Variants in KCNMB2 observed in about 807,000 individuals in gnomAD.
KCNMB2 encodes calcium-activated potassium channel subunit beta-2.
KCNMB2 carries 9 observed loss-of-function variants against 24.5 expected under a neutral mutation model. The observed-to-expected ratio is 0.37, with a 90% CI of 0.22 to 0.64. KCNMB2 has a LOEUF of 0.64. Among genes scored for constraint, KCNMB2 ranks in the 30% least tolerant of loss-of-function variants. The pLI, the probability that KCNMB2 is intolerant of heterozygous loss-of-function variation, is 0.63. For synonymous variants in KCNMB2, 109 were observed against 104.4 expected (o/e 1.04, Z -0.27); for missense variants, 226 against 284.3 (o/e 0.79, Z 1.47).
chr3:178,547,371 T>C (rs1201349321), intron 1 of KCNMB2, among the ~76,000 whole-genome samples: 1 of 152,232 alleles, frequency 6.6e-6, no homozygotes, highest in African/African-American at 2.4e-5. Context: ...TCATGGACTA[T>C]ATTTGAGATG....
At chr3:178,630,328 A>T (rs1215733609) in intron 1 of KCNMB2, among the ~76,000 whole-genome samples, 1 of 152,236 alleles carries the variant, frequency 6.6e-6, no homozygotes, top group African/African-American at 2.4e-5. Flanking sequence ...GTGTGTGAAC[A>T]CAAAATCATC....
At chr3:178,753,898 CCTAT>C (rs925073851) in intron 1 of KCNMB2, among the ~76,000 whole-genome samples, 3 of 151,876 alleles carry the variant, frequency 2.0e-5, no homozygotes, top group Non-Finnish European at 4.4e-5. Flanking sequence ...ACTTATTCCT[CCTAT>C]CTAACTGAAA....
chr3:178,605,507 G>A (rs966296899), intron 1 of KCNMB2, among the ~76,000 whole-genome samples: 23 of 152,164 alleles, frequency 1.5e-4, no homozygotes, highest in Non-Finnish European at 7.3e-5. Flanking sequence ...GTATGTACAT[G>A]CTAGGAAAAG....
rs751903944 is a variant in KCNMB2, at chr3:178,716,829, G to A, written c.-67-90514G>A. 1.3e-4 allele frequency among the ~76,000 whole-genome samples: 20 copies of A among 152,150 alleles called. 1 individual carries two copies. The highest frequency in any genetic ancestry group is 4.1e-4 in the African/African-American group (17 of 41,514). On this transcript the variant is annotated intron_variant, in intron 1 of 4. Transcript: ENST00000452583. Reference sequence around the variant, plus strand: ...GTAACTGCAGGAAGTTGGGAGGAACGGGTCCCTGGACCAAATTATATTTCA... The same window carrying A: ...GTAACTGCAGGAAGTTGGGAGGAACAGGTCCCTGGACCAAATTATATTTCA...
At chr3:178,610,494 A>G (rs1718443533) in intron 1 of KCNMB2, among the ~76,000 whole-genome samples, 1 of 152,148 alleles carries the variant, frequency 6.6e-6, no homozygotes, top group African/African-American at 2.4e-5. Context: ...ATTCCTAGAT[A>G]TATAATTTTA....
chr3:178,798,276 A>G (rs1226580489), intron 1 of KCNMB2, among the ~76,000 whole-genome samples: 1 of 152,178 alleles, frequency 6.6e-6, no homozygotes, highest in African/African-American at 2.4e-5. Flanking sequence ...TGGGTTTGTC[A>G]TAAGTGGCTT....
chr3:178,661,662 C>T (rs1030622156), intron 1 of KCNMB2, among the ~76,000 whole-genome samples: 1 of 152,150 alleles, frequency 6.6e-6, no homozygotes, highest in Admixed American at 6.5e-5. Flanking sequence ...ATGCTTGCTA[C>T]TCAAAGTGTG....
At chr3:178,706,877 G>T (rs1029590525) in intron 1 of KCNMB2, among the ~76,000 whole-genome samples, 11 of 152,092 alleles carry the variant, frequency 7.2e-5, no homozygotes, top group Non-Finnish European at 1.6e-4. Flanking sequence ...GCCATCAGAG[G>T]ACTCACAGAA....
intron 1 of KCNMB2, among the ~76,000 whole-genome samples, chr3:178,568,831 T>TAATA (rs1491104471): frequency 8.6e-6 from 1 of 116,172 alleles, no homozygotes; most frequent in Non-Finnish European, 1.8e-5. Context: ...GATAGATAGA[T>TAATA]GATAGATAGA....
chr3:178,742,989 T>C (rs1723544995), intron 1 of KCNMB2, among the ~76,000 whole-genome samples: 1 of 152,118 alleles, frequency 6.6e-6, no homozygotes, highest in Non-Finnish European at 1.5e-5. Flanking sequence ...TTTGAGTCTG[T>C]GGCTGTTACA....
intron 1 of KCNMB2, among the ~76,000 whole-genome samples, chr3:178,596,200 C>T (rs567963778): frequency 4.3e-4 from 65 of 152,256 alleles, no homozygotes; most frequent in African/African-American, 1.4e-3. Flanking sequence ...CTGAGTCCTA[C>T]TCACACATTC....
chr3:178,725,777 GT>G (rs1722947714), intron 1 of KCNMB2, among the ~76,000 whole-genome samples: 1 of 151,822 alleles, frequency 6.6e-6, no homozygotes. Context: ...TTTGATTAGT[GT>G]TTTCATGACG....
intron 1 of KCNMB2, among the ~76,000 whole-genome samples, chr3:178,620,259 A>T (rs28430992): frequency 6.6e-6 from 1 of 151,902 alleles, no homozygotes; most frequent in Non-Finnish European, 1.5e-5. Flanking sequence ...ACTAGAAAAA[A>T]ATGCCAAAAT....
intron 1 of KCNMB2, among the ~76,000 whole-genome samples, chr3:178,552,977 T>C (rs1206021006): frequency 6.6e-6 from 1 of 152,240 alleles, no homozygotes; most frequent in East Asian, 1.9e-4. Context: ...TACTGGTAGT[T>C]CTACAATAAA....
chr3:178,646,517 C>T (rs868661539), intron 1 of KCNMB2, among the ~76,000 whole-genome samples: 2 of 152,292 alleles, frequency 1.3e-5, no homozygotes, highest in South Asian at 4.1e-4. Flanking sequence ...AAAAGGGAAA[C>T]AGCTGTGGGG....
chr3:178,793,519 G>GGGC (rs1354410280), intron 1 of KCNMB2, among the ~76,000 whole-genome samples: 1 of 149,012 alleles, frequency 6.7e-6, no homozygotes, highest in Non-Finnish European at 1.5e-5. Flanking sequence ...CACCCTGGGG[G>GGGC]GGTGGGCAAT....
At position 178,825,778 on chromosome 3, in the gene KCNMB2, G is replaced by A. The variant is rs757744217; in HGVS notation, c.227+20G>A. 1 of 1,582,838 alleles carries A rather than the reference G, an allele frequency of 6.3e-7. No homozygotes were observed. Among genetic ancestry groups the A allele is most frequent in the Non-Finnish European group, 8.7e-7 (1 of 1,155,832 alleles). On this transcript the variant is annotated intron_variant, in intron 3 of 4. Transcript: ENST00000452583. ...GCAGAGGTAATACCACTGGGTGGGT[G>A]GGACCCTGCTGTTTGTCTCCTGCTC...
At chr3:178,647,517 C>T (rs1719960504) in intron 1 of KCNMB2, among the ~76,000 whole-genome samples, 1 of 152,142 alleles carries the variant, frequency 6.6e-6, no homozygotes, top group Non-Finnish European at 1.5e-5. Context: ...CACTTATAAG[C>T]TTAAAAAAGT....
chr3:178,593,799 C>A (rs1376126731), intron 1 of KCNMB2, among the ~76,000 whole-genome samples: 2 of 150,758 alleles, frequency 1.3e-5, no homozygotes, highest in East Asian at 3.9e-4. Context: ...ACCTTAGATT[C>A]TTAAAATGCA....
Sources: allele counts gnomAD v4.1 joint callset (sites outside exome capture counted in the v4.1 genomes callset), GRCh38; gene constraint gnomAD v4.1.1; transcripts MANE v1.5; gene names NCBI Gene and HGNC (gene_info 2026-07-23, HGNC 2026-07-21).